Variants in MEI4 observed in about 807,000 individuals in gnomAD.
The protein encoded by MEI4 is meiosis-specific protein MEI4.
Under a neutral mutation model 31.4 loss-of-function variants are expected in MEI4, and 27 were observed. That is an observed-to-expected ratio of 0.86 (90% CI 0.63 to 1.19). The LOEUF (loss-of-function observed/expected upper bound fraction) is 1.19. Among genes scored for constraint, MEI4 ranks in the 50% most tolerant of loss-of-function variants. MEI4 has a pLI of 0.00. For missense variants in MEI4, 329 were observed against 398.9 expected (o/e 0.82, Z 1.49); for synonymous variants, 122 against 145.4 (o/e 0.84, Z 1.16).
chr6:77,854,650 T>C (rs1770705156), intron 4 of MEI4, among the ~76,000 whole-genome samples: 1 of 152,204 alleles, frequency 6.6e-6, no homozygotes, highest in Non-Finnish European at 1.5e-5. Flanking sequence ...AGACACCATT[T>C]GTGTCTGGCT....
At chr6:77,763,290 A>T (rs1768085006) in intron 3 of MEI4, among the ~76,000 whole-genome samples, 1 of 152,024 alleles carries the variant, frequency 6.6e-6, no homozygotes, top group Non-Finnish European at 1.5e-5. Context: ...TGACATAAGC[A>T]CTTCCTTGGT....
intron 4 of MEI4, among the ~76,000 whole-genome samples, chr6:77,871,793 C>T: frequency 6.6e-6 from 1 of 152,062 alleles, no homozygotes; most frequent in East Asian, 1.9e-4. Flanking sequence ...TGGAACTACA[C>T]AGAAAGGGGG....
At chr6:77,872,015 A>C (rs188832954) in intron 4 of MEI4, among the ~76,000 whole-genome samples, 45 of 152,326 alleles carry the variant, frequency 3.0e-4, no homozygotes, top group Non-Finnish European at 6.0e-4. Flanking sequence ...AAATTTCCCC[A>C]AGACTCCAAG....
At chr6:77,831,173 A>T (rs555182895) in intron 4 of MEI4, among the ~76,000 whole-genome samples, 32 of 151,798 alleles carry the variant, frequency 2.1e-4, no homozygotes, top group Non-Finnish European at 4.0e-4. Flanking sequence ...CAACAATACT[A>T]ATCATCAGGG....
At chr6:77,830,547 A>G (rs1459492258) in intron 4 of MEI4, among the ~76,000 whole-genome samples, 1 of 152,020 alleles carries the variant, frequency 6.6e-6, no homozygotes, top group Non-Finnish European at 1.5e-5. Flanking sequence ...ACTTTAAAAT[A>G]ATAATAAGAA....
At chr6:77,784,354 A>G (rs1231016350) in intron 3 of MEI4, among the ~76,000 whole-genome samples, 1 of 152,156 alleles carries the variant, frequency 6.6e-6, no homozygotes, top group Admixed American at 6.6e-5. Flanking sequence ...TTTCTAATTT[A>G]AGCTGTTACT....
rs533236803 is a variant in MEI4, at chr6:77,869,324, G to A, written c.900+40262G>A. On this transcript the variant is annotated intron_variant, in intron 4 of 4. Transcript: ENST00000684080. Reference sequence around the variant, plus strand: ...CTGTGTTCTCACATATTCATATGTCGAAGCCCTAATCCCCAATACTATAGA... The same window carrying A: ...CTGTGTTCTCACATATTCATATGTCAAAGCCCTAATCCCCAATACTATAGA... 5.9e-5 allele frequency among the ~76,000 whole-genome samples: 9 copies of A among 152,146 alleles called. No homozygotes were observed. In the South Asian group the frequency reaches 1.0e-3, roughly 18 times the overall value.
At chr6:77,832,555 GAAA>G (rs1260944592) in intron 4 of MEI4, among the ~76,000 whole-genome samples, 1 of 151,906 alleles carries the variant, frequency 6.6e-6, no homozygotes, top group African/African-American at 2.4e-5. Flanking sequence ...ATTTTTGTTT[GAAA>G]TAAATAGCGA....
intron 2 of MEI4, among the ~76,000 whole-genome samples, chr6:77,695,179 G>T (rs974624958): frequency 6.6e-6 from 1 of 152,064 alleles, no homozygotes; most frequent in Non-Finnish European, 1.5e-5. Context: ...TGTCAGATGA[G>T]TAGGTTGCAA....
chr6:77,699,577 T>C (rs561070749), intron 2 of MEI4, among the ~76,000 whole-genome samples: 231 of 152,302 alleles, frequency 1.5e-3, no homozygotes, highest in African/African-American at 5.0e-3. Flanking sequence ...CTTCTCTCAA[T>C]TCGTCAAAGT....
At chr6:77,693,305 T>C (rs1769194418) in intron 2 of MEI4, among the ~76,000 whole-genome samples, 1 of 152,044 alleles carries the variant, frequency 6.6e-6, no homozygotes, top group Non-Finnish European at 1.5e-5. Flanking sequence ...ACAATTAATA[T>C]AATGTCTCAA....
At chr6:77,693,334 A>G (rs1381511453) in intron 2 of MEI4, among the ~76,000 whole-genome samples, 1 of 152,038 alleles carries the variant, frequency 6.6e-6, no homozygotes, top group Non-Finnish European at 1.5e-5. Flanking sequence ...ATTTCCAGGA[A>G]TCTTAAACTA....
chr6:77,745,354 A>T (rs1050784796), intron 2 of MEI4, among the ~76,000 whole-genome samples: 1 of 152,192 alleles, frequency 6.6e-6, no homozygotes, highest in African/African-American at 2.4e-5. Context: ...AAACCAACAA[A>T]GATCAAAAGA....
At chr6:77,708,377 A>G (rs1380948144) in intron 2 of MEI4, among the ~76,000 whole-genome samples, 1 of 152,216 alleles carries the variant, frequency 6.6e-6, no homozygotes, top group African/African-American at 2.4e-5. Context: ...GTACCATACA[A>G]TGTTGGAAGT....
At chr6:77,665,807 G>A (rs1194342950) in intron 1 of MEI4, among the ~76,000 whole-genome samples, 2 of 152,166 alleles carry the variant, frequency 1.3e-5, no homozygotes, top group Non-Finnish European at 2.9e-5. Flanking sequence ...GTGGTTGAGG[G>A]ACAGTGAGAG....
intron 2 of MEI4, among the ~76,000 whole-genome samples, chr6:77,733,766 G>A (rs934676245): frequency 6.6e-6 from 1 of 151,998 alleles, no homozygotes; most frequent in Non-Finnish European, 1.5e-5. Flanking sequence ...TGGGCATTTA[G>A]TGCTATAAAT....
At chr6:77,701,201 C>T (rs953374093) in intron 2 of MEI4, among the ~76,000 whole-genome samples, 2 of 151,806 alleles carry the variant, frequency 1.3e-5, no homozygotes, top group African/African-American at 4.8e-5. Context: ...GCAACAGGCT[C>T]CTGTTAAAGA....
At chr6:77,922,809 A>G (rs985758892) in intron 4 of MEI4, among the ~76,000 whole-genome samples, 2 of 151,764 alleles carry the variant, frequency 1.3e-5, no homozygotes, top group Admixed American at 1.3e-4. Context: ...CCCCTTGCCA[A>G]GTATTCTCAG....
rs1767787278 is a variant in MEI4, at chr6:77,751,985, AATCCATCACAT to A, written c.233-9143_233-9133del. Among the ~76,000 whole-genome samples, 3 of 152,172 alleles carry A rather than the reference AATCCATCACAT, an allele frequency of 2.0e-5. No homozygotes were observed. The South Asian group carries it at 6.2e-4, about 31-fold the overall frequency. On this transcript the variant is annotated intron_variant, in intron 2 of 4. Coordinates refer to ENST00000684080, the MANE Select transcript of MEI4 (RefSeq NM_001322247.2). ...TCAACATACACAAATCAATAAACAT[AATCCATCACAT>A]AAACAGAACCAATGACAAAAACCAC...
Sources: gnomAD v4.1 joint callset for allele counts (sites outside exome capture counted in the v4.1 genomes callset) on GRCh38, gnomAD v4.1.1 for gene constraint, MANE v1.5 for transcripts, NCBI Gene and HGNC (gene_info 2026-07-23, HGNC 2026-07-21) for gene names.